The following SAMD4A variants were observed in gnomAD, a reference collection of about 807,000 sequenced individuals.
The protein encoded by SAMD4A is sterile alpha motif domain containing 4A, also known as protein Smaug homolog 1.
A neutral mutation model predicts 81.3 loss-of-function variants in SAMD4A; 33 were observed. The ratio of observed to expected loss-of-function variants is 0.41; its 90% CI spans 0.31 to 0.54. The LOEUF is 0.54. SAMD4A is among the 20% of genes least tolerant of loss of function. The pLI, the probability that SAMD4A is intolerant of heterozygous loss-of-function variation, is 0.37. For synonymous variants in SAMD4A, 389 were observed against 382.1 expected, an observed-to-expected ratio of 1.02 and a Z score of -0.21; for missense variants, 854 against 951.1, an observed-to-expected ratio of 0.90 and a Z score of 1.34.
rs371225832 is a variant in SAMD4A at position 54,567,938 on chromosome 14, G to C, written c.22G>C (p.Gly8Arg). Reference sequence around the variant, plus strand: ...AACCATGATGTTTCGCGACCAGGTCGGGGTGCTGGCGGGCTGGTTTAAGGG... The same window carrying C: ...AACCATGATGTTTCGCGACCAGGTCCGGGTGCTGGCGGGCTGGTTTAAGGG... MMFRDQV[G>R]VLAGWFKGWN... The change falls in exon 2 of 13, where the codon GGG becomes CGG. Residue 8 changes from glycine (G) to arginine (R), a missense_variant. By Grantham distance (125) the Gly-to-Arg change is moderately radical. This residue lies in a region of SAMD4A where 387 missense variants were observed against 405.8 expected (regional missense o/e 0.95). Transcript: ENST00000554335. 1.9e-6 allele frequency: 3 copies of C among 1,609,426 alleles called. No homozygotes were observed. The highest frequency in any genetic ancestry group is 2.2e-5 in the East Asian group (1 of 44,738).
At chr14:54,766,140 A>AAGC (rs1293012696) in intron 8 of SAMD4A, among the ~76,000 whole-genome samples, 29 of 152,170 alleles carry the variant, frequency 1.9e-4, no homozygotes, top group Non-Finnish European at 1.5e-5. Flanking sequence ...AAAAGCCCGT[A>AAGC]CTGAAGGCTT....
chr14:54,778,779 G>A (rs1300992358), intron 11 of SAMD4A, among the ~76,000 whole-genome samples: 1 of 152,172 alleles, frequency 6.6e-6, no homozygotes, highest in African/African-American at 2.4e-5. Flanking sequence ...CCACTCCTAA[G>A]TCCTGCCCAG....
intron 2 of SAMD4A, among the ~76,000 whole-genome samples, chr14:54,609,888 T>C (rs1433821421): frequency 6.6e-6 from 1 of 152,176 alleles, no homozygotes; most frequent in African/African-American, 2.4e-5. Context: ...CACCATCTCT[T>C]TGTGGGTTTC....
intron 3 of SAMD4A, among the ~76,000 whole-genome samples, chr14:54,730,057 G>C (rs1433714089): frequency 1.3e-5 from 2 of 152,176 alleles, no homozygotes; most frequent in Non-Finnish European, 2.9e-5. Flanking sequence ...AATAATAAAA[G>C]TCTGCCAGAA....
chr14:54,775,290 G>A (rs540041647), intron 10 of SAMD4A, among the ~76,000 whole-genome samples, 155 bp downstream of exon 10: 7 of 152,224 alleles, frequency 4.6e-5, no homozygotes. Context: ...CATTGTTCGC[G>A]TTGTTCTCTA....
chr14:54,620,571 G>A (rs979817823), intron 2 of SAMD4A, among the ~76,000 whole-genome samples: 1 of 152,174 alleles, frequency 6.6e-6, no homozygotes, highest in Admixed American at 6.5e-5. Flanking sequence ...GTCAGGTTAA[G>A]AACAGCTTCT....
intron 2 of SAMD4A, among the ~76,000 whole-genome samples, chr14:54,619,763 C>T (rs563469586): frequency 1.4e-4 from 21 of 152,204 alleles, no homozygotes; most frequent in African/African-American, 4.8e-4. Context: ...TTCCTGCTTT[C>T]GTTTGCTAAG....
intron 2 of SAMD4A, among the ~76,000 whole-genome samples, chr14:54,682,602 G>A (rs978764336): frequency 1.5e-4 from 23 of 152,184 alleles, no homozygotes; most frequent in African/African-American, 5.3e-4. Flanking sequence ...GCATACCTCA[G>A]CTTGTTCCAA....
At chr14:54,695,000 C>T (rs1057055932) in intron 2 of SAMD4A, 1 of 791,864 alleles carries the variant, frequency 1.3e-6, no homozygotes, top group Non-Finnish European at 1.5e-6. Context: ...GGTCAGATGC[C>T]TTTGAATGAC....
chr14:54,571,563 T>G (rs748797029), intron 2 of SAMD4A, among the ~76,000 whole-genome samples: 10 of 152,252 alleles, frequency 6.6e-5, no homozygotes, highest in Admixed American at 2.6e-4. Flanking sequence ...TAGAGATTTA[T>G]AAGTTAATCC....
intron 11 of SAMD4A, among the ~76,000 whole-genome samples, chr14:54,778,316 T>G (rs931648445): frequency 1.3e-4 from 20 of 152,198 alleles, no homozygotes; most frequent in Admixed American, 5.2e-4. Flanking sequence ...TCGGGTTTGT[T>G]GATAGAATCT....
chr14:54,782,736 C>T (rs2039030311), intron 11 of SAMD4A, among the ~76,000 whole-genome samples: 1 of 152,246 alleles, frequency 6.6e-6, no homozygotes, highest in Non-Finnish European at 1.5e-5. Context: ...CAACATCTGC[C>T]TCTGAATTAG....
intron 2 of SAMD4A, among the ~76,000 whole-genome samples, chr14:54,614,934 C>T (rs1177871993): frequency 6.6e-6 from 1 of 152,168 alleles, no homozygotes; most frequent in Admixed American, 6.5e-5. Context: ...TCAATCATCT[C>T]AAAATGTGCC....
intron 6 of SAMD4A, among the ~76,000 whole-genome samples, chr14:54,752,816 A>G (rs1240229823): frequency 6.6e-6 from 1 of 152,180 alleles, no homozygotes; most frequent in East Asian, 1.9e-4. Flanking sequence ...AGCAAAAAGG[A>G]ATGTAGTAGG....
intron 2 of SAMD4A, among the ~76,000 whole-genome samples, chr14:54,617,275 T>C (rs980277129): frequency 6.6e-6 from 1 of 152,186 alleles, no homozygotes; most frequent in Non-Finnish European, 1.5e-5. Flanking sequence ...ATTCCCCAAA[T>C]ACACTGGACT....
chr14:54,720,439 AT>A (rs1247945789), intron 3 of SAMD4A, among the ~76,000 whole-genome samples: 1 of 152,042 alleles, frequency 6.6e-6, no homozygotes, highest in Non-Finnish European at 1.5e-5. Flanking sequence ...ATGTGTGTAG[AT>A]TTCACCACAG....
chr14:54,739,673 T>A (rs1182665856), intron 4 of SAMD4A, among the ~76,000 whole-genome samples: 1 of 152,132 alleles, frequency 6.6e-6, no homozygotes, highest in Non-Finnish European at 1.5e-5. Flanking sequence ...GGGCCAGTAT[T>A]TGTTCAATAG....
chr14:54,780,800 G>A (rs901934708), intron 11 of SAMD4A, among the ~76,000 whole-genome samples: 1 of 152,106 alleles, frequency 6.6e-6, no homozygotes, highest in Non-Finnish European at 1.5e-5. Flanking sequence ...GCTTAGGAAT[G>A]TTAGGAGGCC....
At chr14:54,785,807 A>G (rs1389560909) in intron 12 of SAMD4A, among the ~76,000 whole-genome samples, 3 of 152,344 alleles carry the variant, frequency 2.0e-5, no homozygotes, top group African/African-American at 7.2e-5. Context: ...CCGGGACCAC[A>G]CCCACCTGAC....
Sources: allele counts gnomAD v4.1 joint callset (sites outside exome capture counted in the v4.1 genomes callset), GRCh38; gene constraint gnomAD v4.1.1; regional missense constraint gnomAD v4.1.1; transcripts MANE v1.5; gene names NCBI Gene and HGNC (gene_info 2026-07-23, HGNC 2026-07-21).